PAQR3: variants seen among roughly 807,000 people sequenced by gnomAD.
PAQR3 encodes progestin and adipoQ receptor family member 3.
In PAQR3, 39 loss-of-function variants were observed where a neutral mutation model predicts 41.7. The observed-to-expected ratio is 0.93, with a 90% confidence interval of 0.72 to 1.22. The LOEUF is 1.22. Among genes scored for constraint, PAQR3 ranks in the 50% most tolerant of loss-of-function variants. The pLI is 0.00. For missense variants in PAQR3, 366 were observed against 385.6 expected (o/e 0.95, Z 0.42); for synonymous variants, 140 against 140.6 (o/e 1.00, Z 0.03).
At chr4:78,902,320 TA>T (rs1734052660) in intron 11 of PAQR3, among the ~76,000 whole-genome samples, 1 of 152,146 alleles carries the variant, frequency 6.6e-6, no homozygotes, top group Admixed American at 6.5e-5. Context: ...TATGAGAACA[TA>T]ATGGAAATGT....
downstream of PAQR3, among the ~76,000 whole-genome samples, chr4:78,909,336 C>A (rs1734455999): frequency 6.7e-6 from 1 of 148,692 alleles, no homozygotes; most frequent in African/African-American, 2.5e-5. Context: ...GCACCCAGCC[C>A]CCTTAGTGTT....
intron 5 of PAQR3, chr4:78,922,053 T>C (rs985133471): frequency 1.3e-5 from 13 of 1,019,100 alleles, no homozygotes; most frequent in African/African-American, 6.8e-5. Flanking sequence ...AGAATTTTCA[T>C]GGTTTAGTGT....
Position 78,919,396 on chromosome 4 carries a change from G to A in PAQR3, c.*1143C>T, listed in dbSNP as rs917624454. 1 of 984,404 alleles carries A rather than the reference G, an allele frequency of 1.0e-6. No individual in the cohort carries two copies. The highest frequency in any genetic ancestry group is 5.2e-4 in the Middle Eastern group (1 of 1,910). 61.0% of individuals were successfully genotyped at this position (984,404 alleles called of 1,614,324 possible). The stretch of plus-strand genomic sequence containing the variant: ...AATAAGAGGGCTACAATGTATGATA[G>A]GGCAGTGAGTTCTATTTTTTAAGTA... On this transcript the variant is annotated 3_prime_UTR_variant, in exon 6 of 6. Transcript: ENST00000512733.
Position 78,919,639 on chromosome 4 carries a change from G to A in PAQR3, c.*900C>T. The A allele has an allele frequency of 1.0e-6, 1 of 985,084 alleles. No homozygotes were observed. Among genetic ancestry groups the A allele is most frequent in the Non-Finnish European group, 1.2e-6 (1 of 829,776 alleles). 61.0% of individuals were successfully genotyped at this position (985,084 alleles called of 1,614,324 possible). On this transcript the variant is annotated 3_prime_UTR_variant, in exon 6 of 6. Coordinates refer to ENST00000512733, the MANE Select transcript of PAQR3 (RefSeq NM_001040202.2). ...CCATCTAGATTCTATGGCCTTGCAAGTAGCACCCACAATGCTGGGAACCCC... is the reference window on the plus strand; with the variant it reads ...CCATCTAGATTCTATGGCCTTGCAAATAGCACCCACAATGCTGGGAACCCC...
At chr4:78,911,534 G>A, downstream of PAQR3, 4 of 1,614,006 alleles carry the variant, frequency 2.5e-6, no homozygotes, top group Non-Finnish European at 3.4e-6. Context: ...AATGGGAAGC[G>A]GCATCATGGC....
At chr4:78,900,133 A>G (rs1191628514) in intron 11 of PAQR3, among the ~76,000 whole-genome samples, 10 of 152,206 alleles carry the variant, frequency 6.6e-5, no homozygotes, top group African/African-American at 9.6e-5. Flanking sequence ...AGCCTACTCA[A>G]TGTGAAGACG....
chr4:78,906,646 C>T (rs1219661147), intron 10 of PAQR3, among the ~76,000 whole-genome samples: 1 of 152,104 alleles, frequency 6.6e-6, no homozygotes, highest in African/African-American at 2.4e-5. Context: ...GATCTCAGCT[C>T]CTCTTGAATT....
At position 78,912,002 on chromosome 4, in the gene PAQR3, T is replaced by G. The variant is rs747675627; in HGVS notation, c.*8537A>C. ...TCCCAACCAGTCGAATTAGACCCAT[T>G]TGGTGCTGCTCCATTTCCTTCTAAA... On this transcript the variant is annotated 3_prime_UTR_variant, in exon 6 of 6. Transcript: ENST00000512733. The G allele has an allele frequency of 3.0e-5, 49 of 1,612,990 alleles. No individual in the cohort carries two copies. Among genetic ancestry groups the G allele is most frequent in the Non-Finnish European group, 3.2e-5 (38 of 1,179,364 alleles).
rs961375266 is a variant in PAQR3, at chr4:78,915,106, AT to A, written c.*5432del. The A allele has an allele frequency of 6.6e-6, 1 of 152,060 alleles. No homozygotes were observed. The highest frequency in any genetic ancestry group is 2.4e-5 in the African/African-American group (1 of 41,438). The allele number at this position is 152,060 out of a possible 1,614,324, so 9.4% of individuals were successfully genotyped here. A position where few individuals can be genotyped will look rare whatever the true frequency, so the allele number is the denominator to read the frequency against. On this transcript the variant is annotated 3_prime_UTR_variant, in exon 6 of 6. Transcript: ENST00000512733. ...GAAAATTTAACTGACTAGAACATTTATTCAGGAGTGTAATTATTTTCCCTTA... is the reference window on the plus strand; with the variant it reads ...GAAAATTTAACTGACTAGAACATTTATCAGGAGTGTAATTATTTTCCCTTA...
At chr4:78,923,772 A>T in intron 5 of PAQR3, 85 bp downstream of exon 5, 1 of 871,266 alleles carries the variant, frequency 1.1e-6, no homozygotes. Context: ...TTAAAAAATG[A>T]AACTAAGTTT....
chr4:78,888,837 C>T (rs10518207), intron 11 of PAQR3, among the ~76,000 whole-genome samples: 10,731 of 152,134 alleles, frequency 0.071, 1,168 homozygotes, highest in African/African-American at 0.24. Context: ...CAGTAGGTAC[C>T]TAATACTGTT....
downstream of PAQR3, among the ~76,000 whole-genome samples, chr4:78,909,441 G>A (rs1413097172): frequency 6.6e-6 from 1 of 152,046 alleles, no homozygotes; most frequent in South Asian, 2.1e-4. Flanking sequence ...TGAATTAGAT[G>A]TATAATGAAA....
chr4:78,935,709 C>CT (rs1211553431), intron 1 of PAQR3, among the ~76,000 whole-genome samples: 2 of 152,170 alleles, frequency 1.3e-5, no homozygotes, highest in African/African-American at 4.8e-5. Context: ...CTAGCACACT[C>CT]TATCAATAAT....
chr4:78,918,007 T>C lies in PAQR3; in HGVS notation c.*2532A>G, dbSNP rs1258115712. On this transcript the variant is annotated 3_prime_UTR_variant, in exon 6 of 6. Coordinates refer to ENST00000512733, the MANE Select transcript of PAQR3 (RefSeq NM_001040202.2). ...ATGCAGCTTACTGAATTGCAGTTAG[T>C]GTAATAACAAAAAAAGACAAGCACT... is the stretch of plus-strand genomic sequence containing the variant. 4 of 982,330 alleles carry C rather than the reference T, an allele frequency of 4.1e-6. No individual in the cohort carries two copies. The highest frequency in any genetic ancestry group is 4.8e-6 in the Non-Finnish European group (4 of 826,914). The allele number at this position is 982,330 out of a possible 1,614,324, so 60.9% of individuals were successfully genotyped here.
intron 4 of PAQR3, among the ~76,000 whole-genome samples, 199 bp downstream of exon 4, chr4:78,926,322 G>A (rs978449919): frequency 6.6e-6 from 1 of 152,002 alleles, no homozygotes; most frequent in African/African-American, 2.4e-5. Context: ...GAGAAAATCA[G>A]TATTCAGATT....
intron 11 of PAQR3, among the ~76,000 whole-genome samples, chr4:78,896,258 G>GT (rs1258001018): frequency 1.3e-5 from 2 of 152,286 alleles, no homozygotes; most frequent in South Asian, 2.1e-4. Context: ...AATTTTGGCA[G>GT]TTTTTTATAC....
In PAQR3 at chr4:78,926,713, C is replaced by T. The variant is rs1156944195; in HGVS notation, c.510G>A (p.Trp170Ter). Residue 170 changes from tryptophan to a stop codon, truncating the protein, a stop_gained, in exon 4 of 6, where the codon TGG (tryptophan) becomes TGA (stop). Coordinates refer to ENST00000512733, the MANE Select transcript of PAQR3 (RefSeq NM_001040202.2). LOFTEE classifies it high-confidence loss of function. ...GCACTGTGATCAAGTACACCTGACG[C>T]CAGTACTAGAATGAAAGGAAATCAC... is the stretch of plus-strand genomic sequence containing the variant. ...VFYAFYCNNY[W>*]RQVYLITVLA... 1.9e-5 allele frequency: 30 copies of T among 1,612,980 alleles called. No individual in the cohort carries two copies. The East Asian group carries it at 6.7e-4, about 36-fold the overall frequency.
intron 2 of PAQR3, among the ~76,000 whole-genome samples, chr4:78,932,641 A>C (rs917226133): frequency 6.6e-6 from 1 of 152,196 alleles, no homozygotes; most frequent in African/African-American, 2.4e-5. Flanking sequence ...TGTTTGCCTA[A>C]ATTTCTACAT....
rs771024790 is a variant in PAQR3, at chr4:78,923,901, G to C, written c.749C>G (p.Ala250Gly). The C allele has an allele frequency of 6.2e-7, 1 of 1,613,328 alleles. No homozygotes were observed. Reference protein sequence around the residue: ...VIVMYMIALLAFLFYISKVPE... With the variant: ...VIVMYMIALLGFLFYISKVPE... ...GACTTTGGAAATGTAGAATAGGAAA[G>C]CAAGAAGAGCAATCATATACATCAC... The change falls in exon 5 of 6, where the codon GCT (alanine) becomes GGT (glycine). Residue 250 changes from alanine to glycine, a missense_variant. Ala to Gly is a moderately conservative substitution (Grantham distance 60, BLOSUM62 0). Transcript: ENST00000512733.
Sources: gnomAD v4.1 joint callset for allele counts (sites outside exome capture counted in the v4.1 genomes callset) on GRCh38, gnomAD v4.1.1 for gene constraint, MANE v1.5 for transcripts, NCBI Gene and HGNC (gene_info 2026-07-23, HGNC 2026-07-21) for gene names.